GPAM: variants seen among roughly 807,000 people sequenced by gnomAD.
GPAM encodes glycerol-3-phosphate acyltransferase, mitochondrial.
Under a neutral mutation model 105.0 loss-of-function variants are expected in GPAM, and 56 were observed. That is an observed-to-expected ratio of 0.53 (90% CI 0.43 to 0.67). The LOEUF (loss-of-function observed/expected upper bound fraction) is 0.67, where lower values mean the gene tolerates loss of function less well. GPAM is among the 30% of genes least tolerant of loss of function. The pLI is 0.00. For synonymous variants in GPAM, 368 were observed against 354.4 expected (o/e 1.04, Z -0.43); for missense variants, 855 against 989.8 (o/e 0.86, Z 1.83).
intron 1 of GPAM, among the ~76,000 whole-genome samples, chr10:112,204,740 C>A (rs1465799644): frequency 6.6e-6 from 1 of 151,088 alleles, no homozygotes; most frequent in Admixed American, 6.6e-5. Context: ...GGAAGCATTC[C>A]CTTTGAAAAC....
intron 9 of GPAM, among the ~76,000 whole-genome samples, chr10:112,169,842 C>G (rs1847283493): frequency 6.6e-6 from 1 of 152,154 alleles, no homozygotes; most frequent in Non-Finnish European, 1.5e-5. Flanking sequence ...AGCTCCGCCT[C>G]CTGTCAGATC....
chr10:112,162,743 T>A (rs1367429593), intron 14 of GPAM, among the ~76,000 whole-genome samples: 1 of 151,954 alleles, frequency 6.6e-6, no homozygotes, highest in Admixed American at 6.6e-5. Flanking sequence ...CTGTAAAAAA[T>A]ATTTTTAGAG....
chr10:112,173,641 T>C (rs185152833), intron 7 of GPAM, 58 bp downstream of exon 7: 2 of 1,527,750 alleles, frequency 1.3e-6, no homozygotes, highest in East Asian at 2.2e-5. Context: ...TAATTCAGTC[T>C]TATTTGCTCA....
rs1847352796 is a variant in GPAM at position 112,173,684 on chromosome 10, C to G, written c.560+15G>C. ...ATGGCTGTGATTGAAAGCTTTCTGC[C>G]TTGCCTTTTAATACCTGATCATTGC... On this transcript the variant is annotated intron_variant, in intron 7 of 21. Coordinates refer to ENST00000348367, the MANE Select transcript of GPAM (RefSeq NM_001244949.2). The G allele has an allele frequency of 6.2e-7, 1 of 1,612,882 alleles. No homozygotes were observed. Among genetic ancestry groups the G allele is most frequent in the Admixed American group, 1.7e-5 (1 of 59,998 alleles).
chr10:112,153,785 T>A, intron 21 of GPAM, 119 bp from the exon 22 acceptor site: 1 of 1,126,166 alleles, frequency 8.9e-7, no homozygotes, highest in Non-Finnish European at 1.3e-6. Flanking sequence ...CAAAAAACCA[T>A]ATCCTGGCAT....
chr10:112,208,457 C>T (rs761122047), intron 1 of GPAM, among the ~76,000 whole-genome samples: 2 of 152,126 alleles, frequency 1.3e-5, no homozygotes, highest in Non-Finnish European at 2.9e-5. Flanking sequence ...CATACAGGAG[C>T]CTGAGACGCC....
chr10:112,164,597 C>T lies in GPAM; in HGVS notation c.1235G>A (p.Ser412Asn), dbSNP rs777202772. 3.8e-6 allele frequency: 6 copies of T among 1,593,614 alleles called. No individual in the cohort carries two copies. The South Asian group carries it at 6.6e-5, about 18-fold the overall frequency. ...AGCAGACACCGGTTTCTGACTTTGGCTTTCTAAATATTCCTGGAGAAAAAA... is the reference window on the plus strand; with the variant it reads ...AGCAGACACCGGTTTCTGACTTTGGTTTTCTAAATATTCCTGGAGAAAAAA... ...QPFSLKEYLE[S>N]QSQKPVSALL... Residue 412 changes from serine (S) to asparagine (N), a missense_variant, in exon 13 of 22, where the codon AGC (serine) becomes AAC (asparagine). Ser to Asn is a conservative substitution (Grantham distance 46). Coordinates refer to ENST00000348367, the MANE Select transcript of GPAM (RefSeq NM_001244949.2).
At chr10:112,223,966 C>T in the GPAM span, among the ~76,000 whole-genome samples, 1 of 152,192 alleles carries the variant, frequency 6.6e-6, no homozygotes, top group Non-Finnish European at 1.5e-5. Flanking sequence ...CTTCCTCTGA[C>T]ATTCATCATA....
intron 1 of GPAM, among the ~76,000 whole-genome samples, chr10:112,194,320 G>A (rs1847698044): frequency 6.6e-6 from 1 of 152,188 alleles, no homozygotes; most frequent in South Asian, 2.1e-4. Context: ...GTTGGACTGA[G>A]ATAAACCAAA....
At chr10:112,182,972 TCCTC>T (rs1847535115) in intron 1 of GPAM, 81 bp from the exon 2 acceptor site, 1 of 152,090 alleles carries the variant, frequency 6.6e-6, no homozygotes, top group African/African-American at 2.4e-5. Context: ...GTTTTGCACT[TCCTC>T]CCTCCGCACA....
upstream of GPAM, among the ~76,000 whole-genome samples, chr10:112,185,577 C>G (rs989806410): frequency 1.5e-3 from 2 of 1,344 alleles, no homozygotes; most frequent in African/African-American, 2.8e-3. Context: ...CACAGACACA[C>G]ACACACACAC....
In GPAM at chr10:112,150,892, A is replaced by G; in HGVS notation, c.*2658T>C. ...TTGGGCTTACATTCATTGTAATCCC[A>G]GAAATATTTTCTCCATTTACCCTCA... On this transcript the variant is annotated 3_prime_UTR_variant, in exon 22 of 22. Coordinates refer to ENST00000348367, the MANE Select transcript of GPAM (RefSeq NM_001244949.2). The G allele has an allele frequency of 1.0e-6, 1 of 985,404 alleles. No individual in the cohort carries two copies. Among genetic ancestry groups the G allele is most frequent in the South Asian group, 4.7e-5 (1 of 21,286 alleles). 61.0% of individuals were successfully genotyped at this position (985,404 alleles called of 1,614,324 possible).
intron 5 of GPAM, among the ~76,000 whole-genome samples, chr10:112,176,870 G>C (rs1847415003): frequency 6.6e-6 from 1 of 152,186 alleles, no homozygotes; most frequent in African/African-American, 2.4e-5. Flanking sequence ...TGAACATGCA[G>C]CTTATTTCAC....
intron 1 of GPAM, among the ~76,000 whole-genome samples, chr10:112,197,317 T>C (rs1847735013): frequency 6.6e-6 from 1 of 152,174 alleles, no homozygotes; most frequent in Non-Finnish European, 1.5e-5. Context: ...TGCTAATAGT[T>C]ACAAAAATAA....
At chr10:112,226,981 C>T in the GPAM span, among the ~76,000 whole-genome samples, 2 of 152,154 alleles carry the variant, frequency 1.3e-5, no homozygotes, top group Non-Finnish European at 2.9e-5. Flanking sequence ...CCCTGGACCC[C>T]GGACATGTTC....
At chr10:112,212,755 C>G (rs1204512231) in intron 1 of GPAM, among the ~76,000 whole-genome samples, 1 of 152,170 alleles carries the variant, frequency 6.6e-6, no homozygotes, top group Non-Finnish European at 1.5e-5. Context: ...GTTTGTTCAT[C>G]TGAAACACAG....
rs565047836 is a variant in GPAM, at chr10:112,168,356, A to C, written c.1063T>G (p.Ser355Ala). Residue 355 changes from serine (S) to alanine (A), a missense_variant, in exon 11 of 22, where the codon TCC (serine) becomes GCC (alanine). By Grantham distance (99) the Ser-to-Ala change is moderately conservative (BLOSUM62 1). Coordinates refer to ENST00000348367, the MANE Select transcript of GPAM (RefSeq NM_001244949.2). Reference protein sequence around the residue: ...PDILIIPVGISYDRIIEGHYN... With the variant: ...PDILIIPVGIAYDRIIEGHYN... The stretch of plus-strand genomic sequence containing the variant: ...TGACCTTCGATAATGCGATCATAGG[A>C]GATTCCAACAGGTATTATCAAGATG... 828 of 1,610,376 alleles carry C rather than the reference A, an allele frequency of 5.1e-4. 18 individuals are homozygous for C. The South Asian group carries it at 8.7e-3, about 17-fold the overall frequency.
At chr10:112,212,733 C>G (rs1360005698) in intron 1 of GPAM, among the ~76,000 whole-genome samples, 2 of 152,178 alleles carry the variant, frequency 1.3e-5, no homozygotes, top group Admixed American at 1.3e-4. Context: ...TCCTTATGCT[C>G]TCTTAGCCTT....
intron 21 of GPAM, 128 bp from the exon 22 acceptor site, chr10:112,153,794 A>T (rs1807800): frequency 0.72 from 708,209 of 986,150 alleles, 255,599 homozygotes; most frequent in South Asian, 0.82. Flanking sequence ...ATATCCTGGC[A>T]TTAAGTAAAT....
Sources: gnomAD v4.1 joint callset for allele counts (sites outside exome capture counted in the v4.1 genomes callset) on GRCh38, gnomAD v4.1.1 for gene constraint, MANE v1.5 for transcripts, NCBI Gene and HGNC (gene_info 2026-07-23, HGNC 2026-07-21) for gene names.